Variants in FOXJ3 observed in about 807,000 individuals in gnomAD.
FOXJ3 encodes forkhead box J3, also known as forkhead box protein J3.
In FOXJ3, 22 loss-of-function variants were observed where a neutral mutation model predicts 76.1. The ratio of observed to expected loss-of-function variants is 0.29; its 90% confidence interval spans 0.21 to 0.41. The LOEUF (loss-of-function observed/expected upper bound fraction) is 0.41. Ranked by LOEUF, FOXJ3 falls within the 10% of genes least tolerant of loss-of-function variation. The probability of loss-of-function intolerance (pLI) is 1.00; values close to 1 mark genes in which losing one functional copy is unlikely to be tolerated. For synonymous variants in FOXJ3, 269 were observed against 261.2 expected (o/e 1.03, Z -0.29); for missense variants, 613 against 762.1 (o/e 0.80, Z 2.30).
chr1:42,241,810 C>G (rs763278491), intron 4 of FOXJ3, among the ~76,000 whole-genome samples: 1 of 152,188 alleles, frequency 6.6e-6, no homozygotes, highest in African/African-American at 2.4e-5. Context: ...GCCTTGAGGC[C>G]GAATGGCCCA....
intron 2 of FOXJ3, chr1:42,280,355 T>C: frequency 2.0e-6 from 2 of 979,028 alleles, no homozygotes; most frequent in Non-Finnish European, 2.4e-6. Context: ...CTTACTCATT[T>C]TCTCAAATTC....
At chr1:42,332,466 G>C (rs1656219042) in intron 1 of FOXJ3, among the ~76,000 whole-genome samples, 1 of 152,142 alleles carries the variant, frequency 6.6e-6, no homozygotes, top group African/African-American at 2.4e-5. Context: ...GTAAATGTTA[G>C]CTATTATTTT....
chr1:42,310,906 T>C (rs2124757068), intron 2 of FOXJ3, 144 bp downstream of exon 2: 2 of 545,510 alleles, frequency 3.7e-6, no homozygotes, highest in East Asian at 6.4e-5. Flanking sequence ...TATCATTCCA[T>C]TCCGCCAAAT....
At chr1:42,210,578 T>C (rs1027079767) in intron 5 of FOXJ3, among the ~76,000 whole-genome samples, 1 of 152,176 alleles carries the variant, frequency 6.6e-6, no homozygotes, top group Non-Finnish European at 1.5e-5. Flanking sequence ...TGTATCACCC[T>C]GGCTAACCAG....
chr1:42,324,149 T>C (rs1655660078), intron 1 of FOXJ3, among the ~76,000 whole-genome samples: 1 of 143,352 alleles, frequency 7.0e-6, no homozygotes, highest in African/African-American at 2.5e-5. Context: ...ATATATACTA[T>C]ATATACACTG....
chr1:42,210,322 G>A (rs1273326001), intron 5 of FOXJ3, among the ~76,000 whole-genome samples: 1 of 152,092 alleles, frequency 6.6e-6, no homozygotes. Flanking sequence ...ACTCGCCCTG[G>A]TAGCATAACA....
At chr1:42,227,261 T>C (rs343371) in intron 5 of FOXJ3, among the ~76,000 whole-genome samples, 26,748 of 152,156 alleles carry the variant, frequency 0.18, 2,535 homozygotes, top group Admixed American at 0.25. Context: ...TATGTTTTAG[T>C]TGAGATGCTG....
intron 12 of FOXJ3, among the ~76,000 whole-genome samples, chr1:42,180,744 T>C (rs904842263): frequency 2.6e-5 from 4 of 152,216 alleles, no homozygotes; most frequent in Non-Finnish European, 5.9e-5. Context: ...AGTTCCTTAA[T>C]GTGGGTCAGG....
intron 9 of FOXJ3, 29 bp downstream of exon 9, chr1:42,191,274 C>A: frequency 6.6e-7 from 1 of 1,518,254 alleles, no homozygotes; most frequent in Middle Eastern, 1.8e-4. Flanking sequence ...CACAGTTAGC[C>A]AAACACAAAC....
In FOXJ3 at chr1:42,227,053, C is replaced by T. The variant is rs552431976; in HGVS notation, c.528+830G>A. ...ATACAAATGAAAGGTATTTTCTCTG[C>T]CCTTAAGGGGCACATATTCCAGTAG... On this transcript the variant is annotated intron_variant, in intron 5 of 12. Coordinates refer to ENST00000361346, the MANE Select transcript of FOXJ3 (RefSeq NM_014947.5). 1.4e-3 allele frequency among the ~76,000 whole-genome samples: 217 copies of T among 152,306 alleles called. 3 individuals carry two copies. The highest frequency in any genetic ancestry group is 6.4e-3 in the South Asian group (31 of 4,828).
At chr1:42,212,140 G>A (rs1253042332) in intron 5 of FOXJ3, among the ~76,000 whole-genome samples, 1 of 152,150 alleles carries the variant, frequency 6.6e-6, no homozygotes, top group Non-Finnish European at 1.5e-5. Context: ...TGCAGTCCCA[G>A]CTACTCAGGA....
At chr1:42,263,610 TCTTA>T (rs2124624241) in intron 4 of FOXJ3, among the ~76,000 whole-genome samples, 1 of 152,298 alleles carries the variant, frequency 6.6e-6, no homozygotes, top group Non-Finnish European at 1.5e-5. Flanking sequence ...ATCTGTTCAA[TCTTA>T]CTGAGAACCA....
rs180924295 is a variant in FOXJ3, at chr1:42,301,272, C to T, written c.44+9778G>A. ...GTACAGTGGCACCATCTTGGCTCGC[C>T]ACAACCTCCACCTCCTGGAATCAAG... is the stretch of plus-strand genomic sequence containing the variant. On this transcript the variant is annotated intron_variant, in intron 2 of 12. Transcript: ENST00000361346. Among the ~76,000 whole-genome samples, 16 of 152,188 alleles carry T rather than the reference C, an allele frequency of 1.1e-4. 1 individual carries two copies. Among genetic ancestry groups the T allele is most frequent in the African/African-American group, 3.6e-4 (15 of 41,508 alleles).
chr1:42,276,908 C>T (rs935024991), intron 3 of FOXJ3, among the ~76,000 whole-genome samples: 1 of 152,158 alleles, frequency 6.6e-6, no homozygotes, highest in African/African-American at 2.4e-5. Flanking sequence ...TCATGAGCAA[C>T]ATATATTGCC....
intron 2 of FOXJ3, among the ~76,000 whole-genome samples, chr1:42,286,317 A>T (rs1268445555): frequency 6.6e-6 from 1 of 152,200 alleles, no homozygotes; most frequent in Non-Finnish European, 1.5e-5. Context: ...TCCGCAAAAT[A>T]AGAGTCAATG....
chr1:42,256,595 C>G (rs1292586581), intron 4 of FOXJ3, among the ~76,000 whole-genome samples: 1 of 152,112 alleles, frequency 6.6e-6, no homozygotes, highest in Non-Finnish European at 1.5e-5. Context: ...AACTGTTGGC[C>G]ATGGGAAGCA....
At chr1:42,333,384 C>T (rs1191390414) in intron 1 of FOXJ3, among the ~76,000 whole-genome samples, 1 of 151,516 alleles carries the variant, frequency 6.6e-6, no homozygotes, top group Admixed American at 6.6e-5. Context: ...AAAAAAGAGC[C>T]AAAATAAACA....
At chr1:42,235,579 T>TC in intron 4 of FOXJ3, among the ~76,000 whole-genome samples, 1 of 151,984 alleles carries the variant, frequency 6.6e-6, no homozygotes, top group South Asian at 2.1e-4. Flanking sequence ...TGTTTTTTTT[T>TC]TGAGACAGAA....
intron 1 of FOXJ3, among the ~76,000 whole-genome samples, chr1:42,318,986 T>C (rs1041067902): frequency 6.6e-6 from 1 of 152,122 alleles, no homozygotes; most frequent in East Asian, 1.9e-4. Context: ...ATCCCAGCAC[T>C]GTGGGAGGCT....
Sources: allele counts gnomAD v4.1 joint callset (sites outside exome capture counted in the v4.1 genomes callset), GRCh38; gene constraint gnomAD v4.1.1; transcripts MANE v1.5; gene names NCBI Gene and HGNC (gene_info 2026-07-23, HGNC 2026-07-21).